Variants in ADORA2B observed in about 807,000 individuals in gnomAD.
ADORA2B encodes the protein adenosine receptor A2b.
ADORA2B carries 18 observed loss-of-function variants against 20.8 expected under a neutral mutation model. That is an observed-to-expected ratio of 0.87 (90% confidence interval 0.60 to 1.29). ADORA2B has a LOEUF of 1.29. Ranked by LOEUF, ADORA2B falls within the 50% of genes most tolerant of loss-of-function variation. ADORA2B has a pLI of 0.00. For missense variants in ADORA2B, 441 were observed against 422.7 expected (o/e 1.04, Z -0.38); for synonymous variants, 179 against 178.3 (o/e 1.00, Z -0.03).
the ADORA2B span, among the ~76,000 whole-genome samples, chr17:15,870,878 C>T: frequency 6.6e-6 from 1 of 152,158 alleles, no homozygotes; most frequent in Non-Finnish European, 1.5e-5. Flanking sequence ...AGATAGAGCC[C>T]CAATAGCAGA....
At chr17:15,957,833 G>T (rs1288137708) in intron 1 of ADORA2B, among the ~76,000 whole-genome samples, 1 of 152,054 alleles carries the variant, frequency 6.6e-6, no homozygotes, top group African/African-American at 2.4e-5. Context: ...CCTGTTTTGC[G>T]CCAGTCCCGC....
the ADORA2B span, among the ~76,000 whole-genome samples, chr17:15,885,704 A>G: frequency 7.0e-6 from 1 of 143,242 alleles, no homozygotes; most frequent in Non-Finnish European, 1.5e-5. Context: ...ACAGAGCAAG[A>G]CTCCGTATCA....
the ADORA2B span, among the ~76,000 whole-genome samples, chr17:15,909,193 C>T: frequency 8.1e-6 from 1 of 124,152 alleles, no homozygotes; most frequent in Non-Finnish European, 1.6e-5. Flanking sequence ...GACTACGTCT[C>T]TAAAAAAAAC....
chr17:15,959,429 A>G (rs1004613147), intron 1 of ADORA2B, among the ~76,000 whole-genome samples: 5 of 151,462 alleles, frequency 3.3e-5, no homozygotes, highest in African/African-American at 1.2e-4. Flanking sequence ...TTCACAAATT[A>G]TGAATAGTTT....
At chr17:15,916,093 G>A in the ADORA2B span, among the ~76,000 whole-genome samples, 1 of 152,178 alleles carries the variant, frequency 6.6e-6, no homozygotes, top group Non-Finnish European at 1.5e-5. Flanking sequence ...CTGGGGTGGG[G>A]GGGTCACATG....
At chr17:15,857,049 G>A in the ADORA2B span, among the ~76,000 whole-genome samples, 1 of 152,200 alleles carries the variant, frequency 6.6e-6, no homozygotes, top group African/African-American at 2.4e-5. Context: ...TGTGGCCTGG[G>A]CCCAGGGCCG....
chr17:15,892,568 C>CA, the ADORA2B span, among the ~76,000 whole-genome samples: 1 of 152,190 alleles, frequency 6.6e-6, no homozygotes, highest in Non-Finnish European at 1.5e-5. Context: ...AGGCATGAGC[C>CA]ATGACGCCTG....
At chr17:15,945,962 C>T (rs1040250682) in intron 1 of ADORA2B, among the ~76,000 whole-genome samples, 1 of 152,174 alleles carries the variant, frequency 6.6e-6, no homozygotes, top group African/African-American at 2.4e-5. Context: ...CATCTCCACT[C>T]CTGCCACGAA....
chr17:15,935,268 TTATC>T, the ADORA2B span, among the ~76,000 whole-genome samples: 1 of 151,286 alleles, frequency 6.6e-6, no homozygotes, highest in African/African-American at 2.4e-5. Context: ...GAATTTTTGT[TTATC>T]TACTCTCTTA....
chr17:15,871,839 G>A, the ADORA2B span, among the ~76,000 whole-genome samples: 5 of 152,140 alleles, frequency 3.3e-5, no homozygotes, highest in Non-Finnish European at 2.9e-5. Context: ...ATGGCTTTGT[G>A]TCCTTTCACT....
the ADORA2B span, among the ~76,000 whole-genome samples, chr17:15,853,535 G>A: frequency 6.6e-6 from 1 of 152,188 alleles, no homozygotes; most frequent in Non-Finnish European, 1.5e-5. Flanking sequence ...ACAGATTAGT[G>A]CTCTGTATAG....
chr17:15,852,083 A>G, the ADORA2B span, among the ~76,000 whole-genome samples: 1 of 152,184 alleles, frequency 6.6e-6, no homozygotes, highest in African/African-American at 2.4e-5. Flanking sequence ...ATTTTGAGGT[A>G]TTAGTCTTTT....
chr17:15,974,807 C>T lies in ADORA2B; in HGVS notation c.464C>T (p.Thr155Ile). Residue 155 changes from threonine to isoleucine, a missense_variant, in exon 2 of 2, where the codon ACA (threonine) becomes ATA (isoleucine). Coordinates refer to ENST00000304222, the MANE Select transcript of ADORA2B (RefSeq NM_000676.4). Reference sequence around the variant, plus strand: ...AAAGACAGTGCCACCAACAACTGCACAGAACCCTGGGATGGAACCACGAAT... The same window carrying T: ...AAAGACAGTGCCACCAACAACTGCATAGAACCCTGGGATGGAACCACGAAT... ...NSKDSATNNC[T>I]EPWDGTTNES... 7 of 1,614,180 alleles carry T rather than the reference C, an allele frequency of 4.3e-6. No homozygotes were observed. The highest frequency in any genetic ancestry group is 1.3e-5 in the African/African-American group (1 of 75,042).
chr17:15,922,023 T>C, the ADORA2B span, among the ~76,000 whole-genome samples: 1 of 152,238 alleles, frequency 6.6e-6, no homozygotes, highest in Non-Finnish European at 1.5e-5. Context: ...ATGACTTGTG[T>C]AGGGAATTAG....
Position 15,975,451 on chromosome 17 carries a change from C to CA in ADORA2B, c.*109_*110insA. Reference sequence around the variant, plus strand: ...CTACACCTCACAAGGAAATGGACTGCCTCTCTTGAGCACTTCCCTGGAGCT... The same window carrying CA: ...CTACACCTCACAAGGAAATGGACTGCACTCTCTTGAGCACTTCCCTGGAGCT... On this transcript the variant is annotated 3_prime_UTR_variant, in exon 2 of 2. Transcript: ENST00000304222. 8.3e-7 allele frequency: 1 copy of CA among 1,207,596 alleles called. No homozygotes were observed. Among genetic ancestry groups the CA allele is most frequent in the Non-Finnish European group, 1.2e-6 (1 of 866,182 alleles). The allele number at this position is 1,207,596 out of a possible 1,614,324, so 74.8% of individuals were successfully genotyped here.
chr17:15,956,561 A>C (rs934015381), intron 1 of ADORA2B, among the ~76,000 whole-genome samples: 1 of 122,134 alleles, frequency 8.2e-6, no homozygotes, highest in African/African-American at 3.2e-5. Context: ...ATCATCCTCT[A>C]CTTCTTTTTT....
At chr17:15,929,525 C>T in the ADORA2B span, among the ~76,000 whole-genome samples, 2 of 152,170 alleles carry the variant, frequency 1.3e-5, no homozygotes, top group Non-Finnish European at 2.9e-5. Flanking sequence ...ACTGTGCTCT[C>T]CTCCCTCCAC....
chr17:15,954,443 G>A (rs1377636915), intron 1 of ADORA2B, among the ~76,000 whole-genome samples: 1 of 152,170 alleles, frequency 6.6e-6, no homozygotes, highest in Non-Finnish European at 1.5e-5. Flanking sequence ...CTCATGCTGA[G>A]CCTCCTCACC....
chr17:15,936,881 A>G, the ADORA2B span, among the ~76,000 whole-genome samples: 6 of 152,214 alleles, frequency 3.9e-5, no homozygotes, highest in African/African-American at 1.4e-4. Flanking sequence ...ACTGGAGCCC[A>G]GGAGTTCGAG....
Sources: allele counts gnomAD v4.1 joint callset (sites outside exome capture counted in the v4.1 genomes callset), GRCh38; gene constraint gnomAD v4.1.1; transcripts MANE v1.5; gene names NCBI Gene and HGNC (gene_info 2026-07-23, HGNC 2026-07-21).